DSG4: variants seen among roughly 807,000 people sequenced by gnomAD.
The protein encoded by DSG4 is desmoglein-4.
A neutral mutation model predicts 93.1 loss-of-function variants in DSG4; 87 were observed. That is an observed-to-expected ratio of 0.93 (90% CI 0.79 to 1.12). DSG4 has a LOEUF of 1.12. Among genes scored for constraint, DSG4 ranks in the 50% most tolerant of loss-of-function variants. The probability of loss-of-function intolerance (pLI) is 0.00; values close to 1 mark genes in which losing one functional copy is unlikely to be tolerated. For synonymous variants in DSG4, 432 were observed against 452.9 expected, an observed-to-expected ratio of 0.95 and a Z score of 0.59; for missense variants, 1,373 against 1,285.7, an observed-to-expected ratio of 1.07 and a Z score of -1.04.
intron 8 of DSG4, among the ~76,000 whole-genome samples, chr18:31,394,289 T>A (rs555331241): frequency 1.3e-5 from 2 of 152,224 alleles, no homozygotes; most frequent in East Asian, 3.9e-4. Context: ...AAAATAACAA[T>A]AACACCGGCC....
intron 8 of DSG4, among the ~76,000 whole-genome samples, chr18:31,393,734 C>G (rs560522666): frequency 6.6e-6 from 1 of 152,072 alleles, no homozygotes; most frequent in Admixed American, 6.6e-5. Flanking sequence ...TATTAGGAAG[C>G]CATTTAGCCT....
intron 8 of DSG4, among the ~76,000 whole-genome samples, chr18:31,396,025 G>GGATACATA (rs1337776551): frequency 6.6e-6 from 1 of 152,124 alleles, no homozygotes; most frequent in Non-Finnish European, 1.5e-5. Context: ...AGTTTAACAA[G>GGATACATA]AGAAAGATCT....
At chr18:31,389,155 T>A in intron 5 of DSG4, 137 bp downstream of exon 5, 1 of 962,936 alleles carries the variant, frequency 1.0e-6, no homozygotes, top group Non-Finnish European at 1.6e-6. Context: ...CCACATATTT[T>A]AATTTATAAC....
chr18:31,406,049 A>G (rs2072421193), intron 11 of DSG4, 28 bp from the exon 12 acceptor site: 2 of 1,613,250 alleles, frequency 1.2e-6, no homozygotes, highest in Non-Finnish European at 1.7e-6. Context: ...ATTTCCATTT[A>G]TTTTCTGTTT....
intron 1 of DSG4, 79 bp downstream of exon 1, chr18:31,377,038 G>A: frequency 6.8e-7 from 1 of 1,459,908 alleles, no homozygotes; most frequent in Non-Finnish European, 9.5e-7. Flanking sequence ...TTTCTACATG[G>A]GATTTATTCC....
chr18:31,387,365 G>T (rs570851353), intron 3 of DSG4, among the ~76,000 whole-genome samples: 9 of 152,210 alleles, frequency 5.9e-5, no homozygotes, highest in Non-Finnish European at 1.3e-4. Context: ...ACTCTTTCTG[G>T]ACATCTTGAT....
intron 8 of DSG4, among the ~76,000 whole-genome samples, chr18:31,396,478 C>A (rs112988951): frequency 0.018 from 2,678 of 150,896 alleles, 36 homozygotes; most frequent in Non-Finnish European, 0.028. Flanking sequence ...CATCAGCCTC[C>A]GGAGTAGCTG....
At chr18:31,378,090 C>T (rs1034816320) in intron 1 of DSG4, among the ~76,000 whole-genome samples, 4 of 152,224 alleles carry the variant, frequency 2.6e-5, no homozygotes, top group Admixed American at 6.5e-5. Flanking sequence ...AAAGGGCACA[C>T]AACCCCAAGC....
Position 31,386,711 on chromosome 18 carries a change from T to A in DSG4, c.108T>A (p.Asn36Lys). Residue 36 changes from asparagine (N) to lysine (K), a missense_variant, in exon 3 of 16, where the codon AAT (asparagine) becomes AAA (lysine). By Grantham distance (94) the Asn-to-Lys change is moderately conservative. Transcript: ENST00000308128. ...AGGTGAAGGAATTTGACATTGAAAA[T>A]GGCACTACAAAATGGCAAACAGTCA... ...IVEVKEFDIENGTTKWQTVRR... is the reference protein window; with the variant it reads ...IVEVKEFDIEKGTTKWQTVRR... 1 of 1,613,308 alleles carries A rather than the reference T, an allele frequency of 6.2e-7. No individual in the cohort carries two copies. Among genetic ancestry groups the A allele is most frequent in the Non-Finnish European group, 8.5e-7 (1 of 1,179,400 alleles).
chr18:31,396,772 A>G (rs1568066714), intron 8 of DSG4, among the ~76,000 whole-genome samples: 1 of 152,192 alleles, frequency 6.6e-6, no homozygotes, highest in South Asian at 2.1e-4. Context: ...CTGGTCCCAA[A>G]GTCATATTTA....
chr18:31,400,716 C>T (rs1364110769), intron 9 of DSG4, among the ~76,000 whole-genome samples, 165 bp from the exon 10 acceptor site: 2 of 152,030 alleles, frequency 1.3e-5, no homozygotes, highest in Non-Finnish European at 2.9e-5. Context: ...ATGTATATAT[C>T]ATTGAATTTT....
At chr18:31,386,127 T>C (rs559891046) in intron 2 of DSG4, among the ~76,000 whole-genome samples, 1 of 152,238 alleles carries the variant, frequency 6.6e-6, no homozygotes, top group South Asian at 2.1e-4. Flanking sequence ...GGAGGAATCA[T>C]CAATTCCTCC....
chr18:31,376,850 C>T lies in DSG4; in HGVS notation c.-62C>T. The T allele has an allele frequency of 6.3e-7, 1 of 1,592,716 alleles. No individual in the cohort carries two copies. The highest frequency in any genetic ancestry group is 8.6e-7 in the Non-Finnish European group (1 of 1,161,088). On this transcript the variant is annotated 5_prime_UTR_variant, in exon 1 of 16. Transcript: ENST00000308128. ...TCTTTCTGTAGAGCAGAATTCGGAA[C>T]TGAGAAGACGAGGGCTCAAATTGAA...
intron 1 of DSG4, among the ~76,000 whole-genome samples, chr18:31,377,540 A>T (rs1448106383): frequency 2.6e-5 from 4 of 152,200 alleles, no homozygotes; most frequent in Admixed American, 2.0e-4. Flanking sequence ...ATTCCTACAG[A>T]CCAGCAAAGA....
intron 8 of DSG4, among the ~76,000 whole-genome samples, 164 bp from the exon 9 acceptor site, chr18:31,399,108 A>G (rs1004582855): frequency 2.6e-5 from 4 of 152,208 alleles, no homozygotes; most frequent in Admixed American, 6.5e-5. Flanking sequence ...AAACATATCT[A>G]AGATACCTAA....
chr18:31,409,330 T>C (rs2072459960), intron 12 of DSG4, 122 bp from the exon 13 acceptor site: 2 of 1,450,360 alleles, frequency 1.4e-6, no homozygotes, highest in Admixed American at 1.7e-5. Context: ...GAGATTTTCT[T>C]ACATATATTT....
intron 9 of DSG4, among the ~76,000 whole-genome samples, chr18:31,400,446 G>T (rs972456182): frequency 3.9e-5 from 6 of 152,058 alleles, no homozygotes; most frequent in Non-Finnish European, 8.8e-5. Context: ...ACTGAACAGA[G>T]GATATCACAA....
chr18:31,393,185 A>G (rs1006018741), intron 8 of DSG4, among the ~76,000 whole-genome samples: 2 of 152,238 alleles, frequency 1.3e-5, no homozygotes, highest in African/African-American at 4.8e-5. Flanking sequence ...AGCCAGGAAA[A>G]TATATATTAA....
intron 2 of DSG4, 32 bp from the exon 3 acceptor site, chr18:31,386,656 A>G (rs2072190686): frequency 1.9e-6 from 3 of 1,611,942 alleles, no homozygotes; most frequent in South Asian, 1.1e-5. Context: ...TTGTTCTCAC[A>G]CTGTAAGACA....
Sources: allele counts gnomAD v4.1 joint callset (sites outside exome capture counted in the v4.1 genomes callset), GRCh38; gene constraint gnomAD v4.1.1; transcripts MANE v1.5; gene names NCBI Gene and HGNC (gene_info 2026-07-23, HGNC 2026-07-21).